Variants in SV2C observed in about 807,000 individuals in gnomAD.
SV2C encodes the protein solute carrier family 22 member B3.
A neutral mutation model predicts 79.7 loss-of-function variants in SV2C; 49 were observed. That is an observed-to-expected ratio of 0.61 (90% CI 0.49 to 0.78). SV2C has a LOEUF of 0.78. Ranked by LOEUF, SV2C falls within the 30% of genes least tolerant of loss-of-function variation. The pLI is 0.00. For synonymous variants in SV2C, 334 were observed against 333.2 expected, an observed-to-expected ratio of 1.00 and a Z score of -0.03; for missense variants, 833 against 912.9, an observed-to-expected ratio of 0.91 and a Z score of 1.13.
intron 2 of SV2C, among the ~76,000 whole-genome samples, chr5:76,176,041 T>G (rs1335514446): frequency 2.6e-5 from 4 of 152,144 alleles, no homozygotes; most frequent in Non-Finnish European, 4.4e-5. Context: ...CACACAGCTG[T>G]GAGGCTCCAG....
chr5:75,971,906 CA>C, the SV2C span, among the ~76,000 whole-genome samples: 2 of 152,064 alleles, frequency 1.3e-5, no homozygotes, highest in Non-Finnish European at 2.9e-5. Flanking sequence ...GGAGGCATCA[CA>C]CTACCTGACT....
intron 12 of SV2C, among the ~76,000 whole-genome samples, chr5:76,348,340 T>C (rs1191447183): frequency 6.6e-6 from 1 of 152,198 alleles, no homozygotes; most frequent in Admixed American, 6.5e-5. Flanking sequence ...TCTATTCACC[T>C]ACTAACAAAC....
chr5:76,008,023 C>T, the SV2C span, among the ~76,000 whole-genome samples: 1 of 152,130 alleles, frequency 6.6e-6, no homozygotes, highest in Non-Finnish European at 1.5e-5. Flanking sequence ...TTTCCATTTG[C>T]CTCATTCCGT....
chr5:75,920,810 C>T, the SV2C span: 22 of 770,330 alleles, frequency 2.9e-5, no homozygotes, highest in Non-Finnish European at 4.1e-5. Context: ...ACTTGCCAGG[C>T]GAGACGTTCT....
At chr5:76,012,816 TG>T in the SV2C span, among the ~76,000 whole-genome samples, 4 of 152,354 alleles carry the variant, frequency 2.6e-5, no homozygotes, top group African/African-American at 9.6e-5. Flanking sequence ...TTCAGTTTTC[TG>T]TATATGGCTA....
chr5:76,062,497 G>C, the SV2C span, among the ~76,000 whole-genome samples: 1 of 151,952 alleles, frequency 6.6e-6, no homozygotes, highest in African/African-American at 2.4e-5. Context: ...CCAGACTCCA[G>C]AACTGTAAGA....
At chr5:76,073,396 C>T in the SV2C span, among the ~76,000 whole-genome samples, 1 of 151,124 alleles carries the variant, frequency 6.6e-6, no homozygotes, top group African/African-American at 2.4e-5. Context: ...GATTAATTGG[C>T]TGTATGCATG....
At chr5:76,053,599 T>G in the SV2C span, among the ~76,000 whole-genome samples, 1 of 152,168 alleles carries the variant, frequency 6.6e-6, no homozygotes, top group African/African-American at 2.4e-5. Context: ...AAAAAAAGAT[T>G]CTATCAGTAG....
chr5:76,108,814 G>T, intron 1 of SV2C, among the ~76,000 whole-genome samples: 1 of 152,216 alleles, frequency 6.6e-6, no homozygotes, highest in South Asian at 2.1e-4. Context: ...ATTAACTGTG[G>T]TGAAAAAAAT....
intron 1 of SV2C, among the ~76,000 whole-genome samples, chr5:76,089,982 A>G (rs991240012): frequency 6.6e-6 from 1 of 152,218 alleles, no homozygotes; most frequent in African/African-American, 2.4e-5. Flanking sequence ...CTCCATATGT[A>G]TCTTGTAAAA....
At chr5:75,926,066 T>C in the SV2C span, among the ~76,000 whole-genome samples, 418 of 152,350 alleles carry the variant, frequency 2.7e-3, 4 homozygotes, top group African/African-American at 9.5e-3. Context: ...AAGATCTCAC[T>C]TAACTGCGGT....
At chr5:76,088,707 A>C (rs1412419101) in intron 1 of SV2C, among the ~76,000 whole-genome samples, 4 of 152,344 alleles carry the variant, frequency 2.6e-5, no homozygotes, top group East Asian at 1.9e-4. Flanking sequence ...GTTTATTGAA[A>C]ACTTAAAAGT....
intron 2 of SV2C, among the ~76,000 whole-genome samples, chr5:76,181,279 G>T (rs563403337): frequency 9.9e-5 from 15 of 152,260 alleles, no homozygotes; most frequent in Non-Finnish European, 2.1e-4. Flanking sequence ...GTTCCATGCC[G>T]CAGCAGCAGA....
the SV2C span, among the ~76,000 whole-genome samples, chr5:75,960,721 A>G: frequency 6.6e-6 from 1 of 152,050 alleles, no homozygotes; most frequent in Non-Finnish European, 1.5e-5. Context: ...AGCATGTCTC[A>G]GAAAGTGTCC....
chr5:75,999,131 A>G, the SV2C span, among the ~76,000 whole-genome samples: 1 of 152,068 alleles, frequency 6.6e-6, no homozygotes, highest in Non-Finnish European at 1.5e-5. Flanking sequence ...CTTATTCACT[A>G]TCACGAGAAC....
chr5:76,293,871 A>AT (rs1463386411), intron 8 of SV2C, among the ~76,000 whole-genome samples: 1 of 152,212 alleles, frequency 6.6e-6, no homozygotes, highest in Non-Finnish European at 1.5e-5. Flanking sequence ...TGAGGCTTAG[A>AT]TAACTGGCCC....
the SV2C span, among the ~76,000 whole-genome samples, chr5:75,928,814 C>A: frequency 6.6e-6 from 1 of 152,024 alleles, no homozygotes; most frequent in African/African-American, 2.4e-5. Context: ...CTCCCCAGAC[C>A]CCATCTCACC....
intron 2 of SV2C, among the ~76,000 whole-genome samples, chr5:76,189,650 G>A (rs1744035210): frequency 6.6e-6 from 1 of 152,148 alleles, no homozygotes; most frequent in Non-Finnish European, 1.5e-5. Flanking sequence ...TTTTTCCTTT[G>A]AGTTGGGCTC....
At chr5:76,184,002 C>A (rs919731913) in intron 2 of SV2C, among the ~76,000 whole-genome samples, 4 of 152,184 alleles carry the variant, frequency 2.6e-5, no homozygotes, top group African/African-American at 4.8e-5. Context: ...TGTTTTTAAT[C>A]TCCCAGGAAA....
Sources: gnomAD v4.1 joint callset for allele counts (sites outside exome capture counted in the v4.1 genomes callset) on GRCh38, gnomAD v4.1.1 for gene constraint, MANE v1.5 for transcripts, NCBI Gene and HGNC (gene_info 2026-07-23, HGNC 2026-07-21) for gene names.